The following TENM3 variants were observed in gnomAD, a reference collection of about 807,000 sequenced individuals.
TENM3 encodes teneurin-3.
Under a neutral mutation model 255.1 loss-of-function variants are expected in TENM3, and 63 were observed. The ratio of observed to expected loss-of-function variants is 0.25; its 90% CI spans 0.20 to 0.30. The LOEUF is 0.30. TENM3 is among the 10% of genes least tolerant of loss of function. The probability of loss-of-function intolerance (pLI) is 1.00; values close to 1 mark genes in which losing one functional copy is unlikely to be tolerated. For synonymous variants in TENM3, 1,306 were observed against 1,322.3 expected, an observed-to-expected ratio of 0.99 and a Z score of 0.27; for missense variants, 2,929 against 3,461.1, an observed-to-expected ratio of 0.85 and a Z score of 3.86.
intron 22 of TENM3, among the ~76,000 whole-genome samples, chr4:182,764,484 C>G (rs1476209690): frequency 6.6e-6 from 1 of 152,098 alleles, no homozygotes; most frequent in African/African-American, 2.4e-5. Context: ...TCATCTAAAT[C>G]CGATTGAGAA....
intron 3 of TENM3, among the ~76,000 whole-genome samples, chr4:182,489,854 T>C (rs59275862): frequency 0.49 from 48,509 of 99,318 alleles, 8,118 homozygotes; most frequent in African/African-American, 0.53. Context: ...TCCTTCCTTT[T>C]CTTCCCTTCC....
At chr4:181,781,585 C>T in the TENM3 span, among the ~76,000 whole-genome samples, 2 of 152,158 alleles carry the variant, frequency 1.3e-5, no homozygotes, top group South Asian at 4.1e-4. Flanking sequence ...TTGACTTCCT[C>T]TTTTCCTAAT....
At chr4:182,002,594 G>A in the TENM3 span, among the ~76,000 whole-genome samples, 1 of 152,080 alleles carries the variant, frequency 6.6e-6, no homozygotes, top group Non-Finnish European at 1.5e-5. Flanking sequence ...GTTCCTACCT[G>A]TTAATCTGAT....
chr4:181,747,627 A>G, the TENM3 span, among the ~76,000 whole-genome samples: 5 of 152,000 alleles, frequency 3.3e-5, no homozygotes, highest in African/African-American at 1.2e-4. Flanking sequence ...TATCAAATAT[A>G]TATTTTCTCC....
chr4:181,843,471 A>C, the TENM3 span, among the ~76,000 whole-genome samples: 2 of 152,202 alleles, frequency 1.3e-5, no homozygotes, highest in Non-Finnish European at 2.9e-5. Context: ...CCAGTATACT[A>C]AGAATTTGAG....
intron 3 of TENM3, among the ~76,000 whole-genome samples, chr4:182,502,222 C>T (rs1039187067): frequency 1.3e-5 from 2 of 152,136 alleles, no homozygotes; most frequent in Admixed American, 6.5e-5. Context: ...CTCAAGGAAG[C>T]GTTTAGGATG....
intron 3 of TENM3, among the ~76,000 whole-genome samples, chr4:182,554,219 C>T (rs536215281): frequency 1.3e-5 from 2 of 152,192 alleles, no homozygotes; most frequent in Non-Finnish European, 2.9e-5. Context: ...TCTTTTCTTT[C>T]GTGTTTTTAT....
At chr4:182,245,484 C>G (rs1015366726) in intron 1 of TENM3, among the ~76,000 whole-genome samples, 1 of 152,174 alleles carries the variant, frequency 6.6e-6, no homozygotes, top group African/African-American at 2.4e-5. Flanking sequence ...TGTTGCTTTT[C>G]CAGCAATCAG....
intron 7 of TENM3, among the ~76,000 whole-genome samples, chr4:182,673,894 C>T (rs1226841814): frequency 6.6e-6 from 1 of 152,206 alleles, no homozygotes; most frequent in Non-Finnish European, 1.5e-5. Flanking sequence ...TGGAGAACTG[C>T]TGGCAATTCC....
At chr4:181,459,752 G>A in the TENM3 span, among the ~76,000 whole-genome samples, 1 of 151,832 alleles carries the variant, frequency 6.6e-6, no homozygotes, top group Non-Finnish European at 1.5e-5. Context: ...AGGTACCACA[G>A]ATACTCCCAC....
the TENM3 span, chr4:181,975,698 A>C: frequency 6.6e-6 from 1 of 152,392 alleles, no homozygotes; most frequent in Admixed American, 6.6e-5. Flanking sequence ...ACTCAGGCAC[A>C]GTGCGCAGTG....
At chr4:181,607,558 T>C in the TENM3 span, among the ~76,000 whole-genome samples, 111 of 151,806 alleles carry the variant, frequency 7.3e-4, no homozygotes, top group Non-Finnish European at 1.3e-3. Flanking sequence ...GAGATTACCA[T>C]GCCCAGCTAA....
At chr4:181,605,596 A>AGAAAG in the TENM3 span, among the ~76,000 whole-genome samples, 11 of 131,294 alleles carry the variant, frequency 8.4e-5, no homozygotes, top group African/African-American at 2.7e-4. Flanking sequence ...AAAGAAAGAA[A>AGAAAG]GAAAGAAAGA....
chr4:182,512,372 C>T (rs751395609), intron 3 of TENM3, among the ~76,000 whole-genome samples: 43 of 152,236 alleles, frequency 2.8e-4, no homozygotes, highest in Non-Finnish European at 4.4e-4. Context: ...TGAGTTACCA[C>T]GTGGAAAGTT....
chr4:182,077,172 A>T, the TENM3 span, among the ~76,000 whole-genome samples: 4 of 152,258 alleles, frequency 2.6e-5, no homozygotes, highest in Non-Finnish European at 5.9e-5. Context: ...GGGTTGATCT[A>T]TATCATTTCC....
intron 1 of TENM3, among the ~76,000 whole-genome samples, chr4:182,271,973 C>G (rs776444472): frequency 5.3e-5 from 8 of 152,154 alleles, no homozygotes; most frequent in African/African-American, 1.9e-4. Context: ...GCGCAGTCCT[C>G]GTGACCGTTC....
chr4:181,546,806 T>A, the TENM3 span, among the ~76,000 whole-genome samples: 1 of 152,016 alleles, frequency 6.6e-6, no homozygotes, highest in African/African-American at 2.4e-5. Flanking sequence ...CAGTTGTTTT[T>A]CCCCATGTCT....
At chr4:182,355,012 T>C (rs1241876146) in intron 3 of TENM3, among the ~76,000 whole-genome samples, 1 of 152,218 alleles carries the variant, frequency 6.6e-6, no homozygotes, top group Admixed American at 6.5e-5. Context: ...ACAGGGTGGT[T>C]GGGCAAACCG....
chr4:182,450,190 T>C (rs1331606031), intron 3 of TENM3, among the ~76,000 whole-genome samples: 1 of 152,242 alleles, frequency 6.6e-6, no homozygotes, highest in Non-Finnish European at 1.5e-5. Flanking sequence ...AAGGTTTTCA[T>C]TTTTAAAATA....
Sources: allele counts gnomAD v4.1 joint callset (sites outside exome capture counted in the v4.1 genomes callset), GRCh38; gene constraint gnomAD v4.1.1; transcripts MANE v1.5; gene names NCBI Gene and HGNC (gene_info 2026-07-23, HGNC 2026-07-21).